CTSS: variants seen among roughly 807,000 people sequenced by gnomAD.
CTSS encodes cathepsin S.
In CTSS, 15 loss-of-function variants were observed where a neutral mutation model predicts 39.9. That is an observed-to-expected ratio of 0.38 (90% CI 0.25 to 0.58). The LOEUF is 0.58. Among genes scored for constraint, CTSS ranks in the 20% least tolerant of loss-of-function variants. The pLI, the probability that CTSS is intolerant of heterozygous loss-of-function variation, is 0.70. For synonymous variants in CTSS, 126 were observed against 138.2 expected, an observed-to-expected ratio of 0.91 and a Z score of 0.62; for missense variants, 250 against 398.2, an observed-to-expected ratio of 0.63 and a Z score of 3.17.
rs587760211 is a variant in CTSS at position 150,758,088 on chromosome 1, C to T, written c.127-108G>A. The T allele has an allele frequency of 1.4e-5, 15 of 1,050,560 alleles. No individual in the cohort carries two copies. The Admixed American group carries it at 3.1e-4, about 22-fold the overall frequency. 65.1% of individuals were successfully genotyped at this position (1,050,560 alleles called of 1,614,324 possible). ...TTTTTGAGATGGAGTCTCACTCTGT[C>T]ACCCAAGCTGGAGTCCAATGGCACG... On this transcript the variant is annotated intron_variant, in intron 2 of 7. Coordinates refer to ENST00000368985, the MANE Select transcript of CTSS (RefSeq NM_004079.5).
intron 4 of CTSS, among the ~76,000 whole-genome samples, chr1:150,752,770 A>G (rs1653032741): frequency 1.3e-5 from 2 of 152,234 alleles, no homozygotes; most frequent in South Asian, 4.1e-4. Context: ...TATTTTAGAG[A>G]ACCTCGGGTA....
At chr1:150,755,328 A>G (rs367840757) in intron 3 of CTSS, among the ~76,000 whole-genome samples, 178 bp from the exon 4 acceptor site, 1 of 152,218 alleles carries the variant, frequency 6.6e-6, no homozygotes. Context: ...CTAAACTACA[A>G]ACCTGCACGG....
intron 7 of CTSS, among the ~76,000 whole-genome samples, chr1:150,737,448 T>G (rs1652660458): frequency 6.6e-6 from 1 of 152,118 alleles, no homozygotes; most frequent in Non-Finnish European, 1.5e-5. Context: ...TCTAGGGTGA[T>G]CACCAGTCCC....
chr1:150,733,182 T>C (rs1305593650), intron 7 of CTSS, 37 bp from the exon 8 acceptor site: 1 of 1,468,944 alleles, frequency 6.8e-7, no homozygotes, highest in Non-Finnish European at 9.5e-7. Flanking sequence ...TACAAATGCG[T>C]ACAATCAAAC....
At chr1:150,735,642 G>A (rs1023022894) in intron 7 of CTSS, among the ~76,000 whole-genome samples, 1 of 152,016 alleles carries the variant, frequency 6.6e-6, no homozygotes, top group Non-Finnish European at 1.5e-5. Flanking sequence ...TGGTTGGAGT[G>A]TGGTGGTGCA....
At chr1:150,748,007 C>T (rs1652923213) in intron 6 of CTSS, 128 bp from the exon 7 acceptor site, 2 of 627,236 alleles carry the variant, frequency 3.2e-6, no homozygotes, top group Non-Finnish European at 5.5e-6. Flanking sequence ...AAGTTAAGGA[C>T]ATGTCCAGGC....
Position 150,744,595 on chromosome 1 carries a change from G to GA in CTSS, c.896+3181_896+3182insT, listed in dbSNP as rs1034492730. The stretch of plus-strand genomic sequence containing the variant: ...ACATAATATATTATATATTATATAT[G>GA]TATATTATGTATTATATTATATATT... On this transcript the variant is annotated intron_variant, in intron 7 of 7. Transcript: ENST00000368985. Among the ~76,000 whole-genome samples, 188 of 117,046 alleles carry GA rather than the reference G, an allele frequency of 1.6e-3. 2 individuals carry two copies. The highest frequency in any genetic ancestry group is 5.9e-3 in the African/African-American group (184 of 31,006). The allele number at this position is 117,046 out of a possible 152,430, so 76.8% of individuals were successfully genotyped here.
chr1:150,764,039 C>T (rs934744751), intron 2 of CTSS, among the ~76,000 whole-genome samples: 1 of 151,998 alleles, frequency 6.6e-6, no homozygotes, highest in Non-Finnish European at 1.5e-5. Flanking sequence ...CACCACCACC[C>T]AGGGCCCTTC....
intron 3 of CTSS, 143 bp from the exon 4 acceptor site, chr1:150,755,293 G>T: frequency 1.1e-6 from 1 of 870,384 alleles, no homozygotes; most frequent in Non-Finnish European, 1.8e-6. Context: ...TACATACCTA[G>T]GCTGTATGGT....
rs587763249 is a variant in CTSS at position 150,762,526 on chromosome 1, CAT to C, written c.126+2110_126+2111del. 1.6e-4 allele frequency among the ~76,000 whole-genome samples: 24 copies of C among 152,234 alleles called. No homozygotes were observed. In the South Asian group the frequency reaches 3.9e-3, roughly 25 times the overall value. On this transcript the variant is annotated intron_variant, in intron 2 of 7. Transcript: ENST00000368985. ...TGGGAGAAAATATTTGCAAATCATACATTTGATAAGGGGCTAATATCCCAAAT... is the reference window on the plus strand; with the variant it reads ...TGGGAGAAAATATTTGCAAATCATACTTGATAAGGGGCTAATATCCCAAAT...
chr1:150,758,007 T>A (rs764710772), intron 2 of CTSS, 27 bp from the exon 3 acceptor site: 16 of 1,604,222 alleles, frequency 1.0e-5, no homozygotes, highest in Non-Finnish European at 5.1e-6. Context: ...AAGAACATAG[T>A]CATACTGCAT....
chr1:150,763,240 G>T (rs1028942272), intron 2 of CTSS, among the ~76,000 whole-genome samples: 1 of 152,072 alleles, frequency 6.6e-6, no homozygotes, highest in Non-Finnish European at 1.5e-5. Context: ...TAAAACAGTT[G>T]AACTCATAAA....
chr1:150,755,477 C>G (rs745888955), intron 3 of CTSS, among the ~76,000 whole-genome samples: 4 of 152,192 alleles, frequency 2.6e-5, no homozygotes, highest in Non-Finnish European at 5.9e-5. Flanking sequence ...TGGTGGCTCA[C>G]GCCTGCAATC....
chr1:150,743,699 CATAAT>C (rs1258644664), intron 7 of CTSS, among the ~76,000 whole-genome samples: 20 of 64,046 alleles, frequency 3.1e-4, no homozygotes, highest in Admixed American at 5.4e-4. Flanking sequence ...ATTATGTATA[CATAAT>C]ATATTATATA....
At chr1:150,757,565 G>C (rs1261722846) in intron 3 of CTSS, among the ~76,000 whole-genome samples, 2 of 151,728 alleles carry the variant, frequency 1.3e-5, no homozygotes, top group African/African-American at 4.8e-5. Context: ...ATAAAAACCT[G>C]TCAATAGTCT....
chr1:150,744,967 T>G (rs896645917), intron 7 of CTSS, among the ~76,000 whole-genome samples: 2 of 151,568 alleles, frequency 1.3e-5, no homozygotes, highest in African/African-American at 2.4e-5. Context: ...CCTTAGAGAG[T>G]CAATAAGATA....
intron 2 of CTSS, among the ~76,000 whole-genome samples, chr1:150,758,819 C>T (rs888131068): frequency 5.4e-5 from 8 of 148,870 alleles, no homozygotes; most frequent in East Asian, 2.0e-4. Context: ...CAAAGTCCTG[C>T]GATTATTGGT....
At position 150,757,862 on chromosome 1, in the gene CTSS, T is replaced by C; in HGVS notation, c.245A>G (p.Asp82Gly). The C allele has an allele frequency of 6.2e-7, 1 of 1,613,116 alleles. No individual in the cohort carries two copies. Among genetic ancestry groups the C allele is most frequent in the Non-Finnish European group, 8.5e-7 (1 of 1,179,302 alleles). Residue 82 changes from aspartate (D) to glycine (G), a missense_variant, in exon 3 of 8, where the codon GAC becomes GGC. Transcript: ENST00000368985. The stretch of plus-strand genomic sequence containing the variant: ...GATTTCTTGTAATGTACCTACCATG[T>C]CTCCCAGGTGGTTCATGCCCAGATC... ...SYDLGMNHLG[D>G]MTSEEVMSLM...
chr1:150,735,379 T>C (rs939464320), intron 7 of CTSS, among the ~76,000 whole-genome samples: 2 of 152,230 alleles, frequency 1.3e-5, no homozygotes, highest in Non-Finnish European at 1.5e-5. Flanking sequence ...ACCTTACTGG[T>C]CTCTTGGCTT....
Sources: gnomAD v4.1 joint callset for allele counts (sites outside exome capture counted in the v4.1 genomes callset) on GRCh38, gnomAD v4.1.1 for gene constraint, MANE v1.5 for transcripts, NCBI Gene and HGNC (gene_info 2026-07-23, HGNC 2026-07-21) for gene names.